RNF152: variants seen among roughly 807,000 people sequenced by gnomAD.
RNF152 encodes the protein E3 ubiquitin-protein ligase RNF152.
A neutral mutation model predicts 12.7 loss-of-function variants in RNF152; 11 were observed. The ratio of observed to expected loss-of-function variants is 0.86; its 90% CI spans 0.54 to 1.43. The LOEUF (loss-of-function observed/expected upper bound fraction) is 1.43, where lower values mean the gene tolerates loss of function less well. Ranked by LOEUF, RNF152 falls within the 40% of genes most tolerant of loss-of-function variation. The probability of loss-of-function intolerance (pLI) is 0.00; values close to 1 mark genes in which losing one functional copy is unlikely to be tolerated. For missense variants in RNF152, 255 were observed against 274.8 expected (o/e 0.93, Z 0.51); for synonymous variants, 113 against 120.3 (o/e 0.94, Z 0.40).
chr18:61,840,076 C>T (rs1910382902), intron 1 of RNF152, among the ~76,000 whole-genome samples: 1 of 152,134 alleles, frequency 6.6e-6, no homozygotes. Context: ...CCATGCATGC[C>T]CATGGGCACA....
chr18:61,823,831 G>T (rs1000287689), intron 1 of RNF152, among the ~76,000 whole-genome samples: 1 of 152,310 alleles, frequency 6.6e-6, no homozygotes, highest in African/African-American at 2.4e-5. Flanking sequence ...GGTCAACTGT[G>T]GGCCCAATTG....
chr18:61,847,158 T>C (rs1212224599), intron 1 of RNF152, among the ~76,000 whole-genome samples: 1 of 151,386 alleles, frequency 6.6e-6, no homozygotes. Context: ...AAACAGAACT[T>C]TCAGAAATAA....
Position 61,816,579 on chromosome 18 carries a change from A to G in RNF152, c.-116T>C. The G allele has an allele frequency of 9.4e-7, 1 of 1,066,622 alleles. No homozygotes were observed. Among genetic ancestry groups the G allele is most frequent in the Non-Finnish European group, 1.4e-6 (1 of 727,238 alleles). The allele number at this position is 1,066,622 out of a possible 1,614,324, so 66.1% of individuals were successfully genotyped here. A position where few individuals can be genotyped will look rare whatever the true frequency, so the allele number is the denominator to read the frequency against. On this transcript the variant is annotated 5_prime_UTR_variant, in exon 2 of 2. Coordinates refer to ENST00000312828, the MANE Select transcript of RNF152 (RefSeq NM_173557.3). ...AATGGCAAGCTCACAGGCATCCAGT[A>G]CTCACAGGTGTGTTCATTTCTGAGA...
At chr18:61,840,886 C>T (rs553273267) in intron 1 of RNF152, among the ~76,000 whole-genome samples, 3 of 152,286 alleles carry the variant, frequency 2.0e-5, no homozygotes, top group East Asian at 3.9e-4. Flanking sequence ...TTTCCCCTTC[C>T]CTACCCATGA....
intron 1 of RNF152, among the ~76,000 whole-genome samples, chr18:61,868,213 T>C (rs34025169): frequency 0.11 from 17,420 of 152,260 alleles, 1,280 homozygotes; most frequent in East Asian, 0.4. Context: ...AGCATATATC[T>C]GTGTTATGTT....
In RNF152 at chr18:61,883,758, C is replaced by T. The variant is rs79357898; in HGVS notation, c.-136+9037G>A. ...GAAGAGTGAGGCCACAGGAGAAAGG[C>T]GACTCATCTCCTTTAAGGAAGACTC... On this transcript the variant is annotated intron_variant, in intron 1 of 1. Coordinates refer to ENST00000312828, the MANE Select transcript of RNF152 (RefSeq NM_173557.3). Among the ~76,000 whole-genome samples, 1,173 of 152,226 alleles carry T rather than the reference C, an allele frequency of 7.7e-3. 15 individuals are homozygous for T. The highest frequency in any genetic ancestry group is 0.026 in the African/African-American group (1,093 of 41,538).
intron 1 of RNF152, among the ~76,000 whole-genome samples, chr18:61,829,499 A>G (rs1909830458): frequency 6.6e-6 from 1 of 151,310 alleles, no homozygotes; most frequent in Non-Finnish European, 1.5e-5. Flanking sequence ...GAGAGGGGAG[A>G]GAGAGATATA....
At position 61,881,279 on chromosome 18, in the gene RNF152, A is replaced by T. The variant is rs80253952; in HGVS notation, c.-136+11516T>A. Among the ~76,000 whole-genome samples, 434 of 152,290 alleles carry T rather than the reference A, an allele frequency of 2.8e-3. 4 individuals carry two copies. Among genetic ancestry groups the T allele is most frequent in the East Asian group, 0.024 (127 of 5,184 alleles). ...GAAAACAAAATGTATTTAGCTGTTA[A>T]GTACTATAGATTATAGCGAACGACA... On this transcript the variant is annotated intron_variant, in intron 1 of 1. Coordinates refer to ENST00000312828, the MANE Select transcript of RNF152 (RefSeq NM_173557.3).
intron 1 of RNF152, among the ~76,000 whole-genome samples, chr18:61,879,340 T>C (rs1912352391): frequency 6.6e-6 from 1 of 152,178 alleles, no homozygotes; most frequent in Non-Finnish European, 1.5e-5. Flanking sequence ...CTAGTGACGA[T>C]TTAAAGTATA....
At chr18:61,887,932 A>G (rs970369768) in intron 1 of RNF152, 1 of 152,172 alleles carries the variant, frequency 6.6e-6, no homozygotes, top group Non-Finnish European at 1.5e-5. Flanking sequence ...CACAGAACAC[A>G]GCATTTGGAG....
intron 1 of RNF152, among the ~76,000 whole-genome samples, chr18:61,838,695 G>T (rs1910299218): frequency 6.6e-6 from 1 of 152,124 alleles, no homozygotes; most frequent in Non-Finnish European, 1.5e-5. Flanking sequence ...TATCAGGATG[G>T]CACTAGAGGG....
At chr18:61,842,428 TG>T (rs1910494702) in intron 1 of RNF152, among the ~76,000 whole-genome samples, 1 of 152,354 alleles carries the variant, frequency 6.6e-6, no homozygotes, top group Admixed American at 6.5e-5. Context: ...CTGTCATTGC[TG>T]GAACAAGGCT....
At chr18:61,838,524 T>C (rs907522604) in intron 1 of RNF152, among the ~76,000 whole-genome samples, 22 of 152,198 alleles carry the variant, frequency 1.4e-4, no homozygotes, top group African/African-American at 5.3e-4. Flanking sequence ...TGGACCTCAG[T>C]GTGAGCTTAA....
chr18:61,860,623 A>G (rs1441887082), intron 1 of RNF152, among the ~76,000 whole-genome samples: 4 of 152,254 alleles, frequency 2.6e-5, no homozygotes, highest in Non-Finnish European at 4.4e-5. Flanking sequence ...CAACTATGTT[A>G]CTGGTTTCTG....
intron 1 of RNF152, among the ~76,000 whole-genome samples, chr18:61,881,752 G>A (rs111799444): frequency 0.015 from 2,235 of 152,054 alleles, 69 homozygotes; most frequent in African/African-American, 0.052. Flanking sequence ...GTTATTTTAA[G>A]GAGCACAAAG....
chr18:61,885,494 G>T (rs1400312970), intron 1 of RNF152, among the ~76,000 whole-genome samples: 1 of 152,088 alleles, frequency 6.6e-6, no homozygotes, highest in Non-Finnish European at 1.5e-5. Context: ...TTTTAGTAGA[G>T]ATGGGATTTC....
At chr18:61,837,437 T>A (rs1263334402) in intron 1 of RNF152, among the ~76,000 whole-genome samples, 1 of 152,218 alleles carries the variant, frequency 6.6e-6, no homozygotes, top group East Asian at 1.9e-4. Context: ...GTCCTTATTA[T>A]CAGGAGATAT....
At chr18:61,830,433 T>C (rs894665700) in intron 1 of RNF152, among the ~76,000 whole-genome samples, 1 of 152,204 alleles carries the variant, frequency 6.6e-6, no homozygotes, top group African/African-American at 2.4e-5. Flanking sequence ...TTTCTGGCAC[T>C]ATGAATTTGC....
intron 1 of RNF152, among the ~76,000 whole-genome samples, chr18:61,827,401 G>A (rs1156446761): frequency 3.9e-5 from 6 of 152,170 alleles, no homozygotes; most frequent in African/African-American, 1.4e-4. Flanking sequence ...AAGGCTGGAA[G>A]GAGGTGTAAG....
Sources: gnomAD v4.1 joint callset for allele counts (sites outside exome capture counted in the v4.1 genomes callset) on GRCh38, gnomAD v4.1.1 for gene constraint, MANE v1.5 for transcripts, NCBI Gene and HGNC (gene_info 2026-07-23, HGNC 2026-07-21) for gene names.